The following PACRGL variants were observed in gnomAD, a reference collection of about 807,000 sequenced individuals.
PACRGL encodes the protein PACRG-like protein.
A neutral mutation model predicts 34.5 loss-of-function variants in PACRGL; 38 were observed. That is an observed-to-expected ratio of 1.10 (90% CI 0.85 to 1.44). The LOEUF (loss-of-function observed/expected upper bound fraction) is 1.44. PACRGL is among the 40% of genes most tolerant of loss of function. The pLI is 0.00. For missense variants in PACRGL, 305 were observed against 281.4 expected, an observed-to-expected ratio of 1.08 and a Z score of -0.60; for synonymous variants, 128 against 100.1, an observed-to-expected ratio of 1.28 and a Z score of -1.66.
chr4:20,715,398 A>G (rs1039719691), intron 7 of PACRGL, among the ~76,000 whole-genome samples: 2 of 152,096 alleles, frequency 1.3e-5, no homozygotes, highest in African/African-American at 4.8e-5. Flanking sequence ...CATTGTGCAC[A>G]TGTACCCTAA....
chr4:20,756,771 A>G (rs538126648), downstream of PACRGL, among the ~76,000 whole-genome samples: 3 of 151,942 alleles, frequency 2.0e-5, 1 homozygote, highest in South Asian at 6.2e-4. Flanking sequence ...TCATCATTTC[A>G]TTTCTGAACT....
chr4:20,752,264 G>T (rs1005967129), intron 8 of PACRGL, among the ~76,000 whole-genome samples: 2 of 151,832 alleles, frequency 1.3e-5, no homozygotes, highest in Admixed American at 6.6e-5. Context: ...TCATCACGTT[G>T]GCCAGACTGG....
chr4:20,714,194 C>T (rs917070831), intron 7 of PACRGL, among the ~76,000 whole-genome samples: 2 of 152,120 alleles, frequency 1.3e-5, no homozygotes, highest in African/African-American at 4.8e-5. Flanking sequence ...GTATTGGGTG[C>T]ATATATATTT....
downstream of PACRGL, among the ~76,000 whole-genome samples, chr4:20,757,181 A>G (rs1305289262): frequency 6.6e-6 from 1 of 152,132 alleles, no homozygotes; most frequent in Admixed American, 6.6e-5. Flanking sequence ...TCTTTATGCC[A>G]CAAAAAGTTA....
chr4:20,712,951 A>G (rs928230002), intron 6 of PACRGL, 29 bp downstream of exon 6: 25 of 1,469,290 alleles, frequency 1.7e-5, no homozygotes, highest in South Asian at 4.4e-5. Context: ...TGTACTTTAT[A>G]TTTGAAAACA....
chr4:20,745,402 A>C lies in PACRGL; in HGVS notation c.*57-7163A>C, dbSNP rs1327633890. 2.6e-5 allele frequency among the ~76,000 whole-genome samples: 4 copies of C among 152,158 alleles called. 1 individual carries two copies. The highest frequency in any genetic ancestry group is 9.7e-5 in the African/African-American group (4 of 41,436). ...TGTGGGATGATATCAGTAAAGAGTTACTCAAAACAGGAATGATATCTTTTC... is the reference window on the plus strand; with the variant it reads ...TGTGGGATGATATCAGTAAAGAGTTCCTCAAAACAGGAATGATATCTTTTC... On this transcript the variant is annotated intron_variant, in intron 8 of 8. Transcript: ENST00000507634.
At chr4:20,703,421 A>G (rs1167646999) in intron 1 of PACRGL, among the ~76,000 whole-genome samples, 25 of 152,126 alleles carry the variant, frequency 1.6e-4, no homozygotes, top group East Asian at 1.9e-4. Flanking sequence ...GAAAGGCTTC[A>G]TGGAAGTTGG....
At chr4:20,748,737 C>T (rs1434044424) in intron 8 of PACRGL, among the ~76,000 whole-genome samples, 1 of 149,966 alleles carries the variant, frequency 6.7e-6, no homozygotes, top group African/African-American at 2.4e-5. Context: ...ATACATTTCT[C>T]ACATATTTTC....
chr4:20,753,818 C>G (rs1195209034), downstream of PACRGL, among the ~76,000 whole-genome samples: 1 of 152,134 alleles, frequency 6.6e-6, no homozygotes, highest in Non-Finnish European at 1.5e-5. Flanking sequence ...ATCTTTATGT[C>G]TACAGAACTC....
chr4:20,704,775 T>C lies in PACRGL; in HGVS notation c.168T>C (p.Pro56=). ...SSPESARKLH[P]RPSDKLNPKT... The stretch of plus-strand genomic sequence containing the variant: ...CAGAGTCTGCAAGAAAACTTCATCC[T>C]AGACCAAGTGATAAACTGAACCCTA... Residue 56 remains proline (P), a synonymous_variant, in exon 3 of 9, where the codon CCT becomes CCC. Coordinates refer to ENST00000503585, the MANE Select transcript of PACRGL (RefSeq NM_001258345.3). 1 of 1,614,156 alleles carries C rather than the reference T, an allele frequency of 6.2e-7. No individual in the cohort carries two copies. Among genetic ancestry groups the C allele is most frequent in the African/African-American group, 1.3e-5 (1 of 75,072 alleles).
chr4:20,758,982 A>T, the PACRGL span: 1 of 871,396 alleles, frequency 1.1e-6, no homozygotes, highest in Non-Finnish European at 1.9e-6. Flanking sequence ...CTACCATGCA[A>T]AGCTGCACCA....
rs558860888 is a variant in PACRGL, at chr4:20,747,682, A to G, written c.*57-4883A>G. On this transcript the variant is annotated intron_variant, in intron 8 of 8. Transcript: ENST00000507634. The stretch of plus-strand genomic sequence containing the variant: ...CTTTTATTTTTCTCTTCTCAGTGCT[A>G]TTTCTCACTTAAGTTATGGGAGATG... 8.6e-5 allele frequency among the ~76,000 whole-genome samples: 13 copies of G among 151,788 alleles called. No individual in the cohort carries two copies. In the South Asian group the frequency reaches 2.5e-3, roughly 29 times the overall value.
At chr4:20,699,190 A>T (rs978119135), upstream of PACRGL, among the ~76,000 whole-genome samples, 1 of 152,100 alleles carries the variant, frequency 6.6e-6, no homozygotes, top group Non-Finnish European at 1.5e-5. Context: ...GAGAGATTAT[A>T]AAGTAAAAGT....
chr4:20,764,857 G>GTCT, the PACRGL span, among the ~76,000 whole-genome samples: 1 of 152,182 alleles, frequency 6.6e-6, no homozygotes, highest in African/African-American at 2.4e-5. Context: ...TCGCTGTGAT[G>GTCT]GCACTCAGCC....
rs1195998336 is a variant in PACRGL, at chr4:20,729,190, T to TTAATGCTGTTAGG, written c.*1850_*1862dup. 1 of 151,910 alleles carries TTAATGCTGTTAGG rather than the reference T, an allele frequency of 6.6e-6. No homozygotes were observed. The highest frequency in any genetic ancestry group is 1.5e-5 in the Non-Finnish European group (1 of 68,018). 9.4% of individuals were successfully genotyped at this position (151,910 alleles called of 1,614,324 possible). A position where few individuals can be genotyped will look rare whatever the true frequency, so the allele number is the denominator to read the frequency against. ...AGGGGAAAGAGGACAGATTTGGCCT[T>TTAATGCTGTTAGG]TAATGCTGTTAGGATTACTTGTTAT... is the stretch of plus-strand genomic sequence containing the variant. On this transcript the variant is annotated 3_prime_UTR_variant, in exon 9 of 9. Transcript: ENST00000503585.
downstream of PACRGL, among the ~76,000 whole-genome samples, chr4:20,753,650 A>C (rs1299643049): frequency 1.3e-5 from 2 of 152,200 alleles, no homozygotes; most frequent in African/African-American, 4.8e-5. Context: ...TTGAATATAC[A>C]ATTCATGACA....
downstream of PACRGL, among the ~76,000 whole-genome samples, chr4:20,753,089 T>A (rs1753925455): frequency 6.6e-6 from 1 of 152,172 alleles, no homozygotes; most frequent in Non-Finnish European, 1.5e-5. Flanking sequence ...GAAAAATAAA[T>A]GTTGAGATTT....
chr4:20,701,818 T>A (rs984760904), intron 1 of PACRGL: 2 of 456,356 alleles, frequency 4.4e-6, no homozygotes, highest in Non-Finnish European at 8.8e-6. Flanking sequence ...TCCGTATCCG[T>A]GGTTGGGTCA....
At chr4:20,706,861 A>G (rs1057045117) in intron 3 of PACRGL, among the ~76,000 whole-genome samples, 8 of 152,178 alleles carry the variant, frequency 5.3e-5, no homozygotes, top group Admixed American at 1.3e-4. Context: ...GGCTTGAGCC[A>G]CTGCGCCTGG....
Sources: gnomAD v4.1 joint callset for allele counts (sites outside exome capture counted in the v4.1 genomes callset) on GRCh38, gnomAD v4.1.1 for gene constraint, MANE v1.5 for transcripts, NCBI Gene and HGNC (gene_info 2026-07-23, HGNC 2026-07-21) for gene names.